NCKAP1: variants seen among roughly 807,000 people sequenced by gnomAD.
The protein encoded by NCKAP1 is nck-associated protein 1.
NCKAP1 carries 21 observed loss-of-function variants against 151.2 expected under a neutral mutation model. That is an observed-to-expected ratio of 0.14 (90% CI 0.10 to 0.20). The LOEUF (loss-of-function observed/expected upper bound fraction) is 0.20. Among genes scored for constraint, NCKAP1 ranks in the 10% least tolerant of loss-of-function variants. The pLI, the probability that NCKAP1 is intolerant of heterozygous loss-of-function variation, is 1.00. For synonymous variants in NCKAP1, 484 were observed against 451.8 expected (o/e 1.07, Z -0.90); for missense variants, 933 against 1,352.1 (o/e 0.69, Z 4.86).
chr2:182,925,914 C>T (rs1243509943), intron 30 of NCKAP1, 96 bp from the exon 31 acceptor site: 8 of 561,440 alleles, frequency 1.4e-5, no homozygotes, highest in Non-Finnish European at 2.1e-5. Flanking sequence ...TTATTGACAA[C>T]CAGTAAGGCA....
intron 14 of NCKAP1, among the ~76,000 whole-genome samples, chr2:182,978,319 T>C (rs1697867390): frequency 6.6e-6 from 1 of 152,206 alleles, no homozygotes; most frequent in African/African-American, 2.4e-5. Context: ...ATGACATCAA[T>C]TTTTGAGATT....
chr2:183,035,283 T>TAA (rs962780096), intron 1 of NCKAP1, among the ~76,000 whole-genome samples: 8 of 144,162 alleles, frequency 5.5e-5, no homozygotes, highest in African/African-American at 1.8e-4. Context: ...CTGATGAAAT[T>TAA]AAAAAAAAAA....
chr2:183,030,180 C>G (rs907065903), intron 1 of NCKAP1, among the ~76,000 whole-genome samples: 2 of 152,160 alleles, frequency 1.3e-5, no homozygotes, highest in South Asian at 4.1e-4. Context: ...CGGTAAAAAT[C>G]TGATCAGTTC....
chr2:182,932,922 T>C (rs1048631345), intron 26 of NCKAP1, among the ~76,000 whole-genome samples: 2 of 152,160 alleles, frequency 1.3e-5, no homozygotes, highest in Non-Finnish European at 2.9e-5. Flanking sequence ...TGATCTCAAA[T>C]GTTTATTCTG....
At chr2:182,937,068 T>A (rs1696890497) in intron 24 of NCKAP1, among the ~76,000 whole-genome samples, 1 of 115,840 alleles carries the variant, frequency 8.6e-6, no homozygotes, top group African/African-American at 3.4e-5. Context: ...TGAGCCAAGA[T>A]CTCGCCACTG....
At chr2:182,989,522 C>T (rs995536974) in intron 8 of NCKAP1, among the ~76,000 whole-genome samples, 3 of 152,096 alleles carry the variant, frequency 2.0e-5, no homozygotes, top group Non-Finnish European at 2.9e-5. Context: ...ATGCAGTAAT[C>T]ATTACAGTTG....
At chr2:183,036,342 T>C (rs1277461782) in intron 1 of NCKAP1, among the ~76,000 whole-genome samples, 3 of 152,202 alleles carry the variant, frequency 2.0e-5, no homozygotes, top group Non-Finnish European at 4.4e-5. Context: ...GAAACCATCA[T>C]AACCATTTCC....
chr2:182,964,163 C>T (rs1460676146), intron 17 of NCKAP1, among the ~76,000 whole-genome samples: 1 of 152,068 alleles, frequency 6.6e-6, no homozygotes, highest in Admixed American at 6.5e-5. Context: ...AACAAAACTA[C>T]CAAGCAGTTC....
At chr2:182,949,735 C>A (rs547045210) in intron 23 of NCKAP1, among the ~76,000 whole-genome samples, 1 of 152,188 alleles carries the variant, frequency 6.6e-6, no homozygotes, top group Non-Finnish European at 1.5e-5. Context: ...GCCAAGCTGG[C>A]AGTGAGTCAT....
At chr2:182,955,708 A>C (rs544222284) in intron 20 of NCKAP1, among the ~76,000 whole-genome samples, 10 of 152,190 alleles carry the variant, frequency 6.6e-5, no homozygotes, top group Non-Finnish European at 1.0e-4. Flanking sequence ...ACATGCATAC[A>C]TGTAACTGAA....
At chr2:182,951,122 C>A (rs1424107300) in intron 23 of NCKAP1, among the ~76,000 whole-genome samples, 1 of 151,914 alleles carries the variant, frequency 6.6e-6, no homozygotes, top group South Asian at 2.1e-4. Flanking sequence ...TGAGCCACCA[C>A]GCCTGGCTGA....
intron 26 of NCKAP1, among the ~76,000 whole-genome samples, chr2:182,931,657 A>C (rs536685299): frequency 1.3e-5 from 2 of 152,236 alleles, no homozygotes; most frequent in East Asian, 3.9e-4. Context: ...ACAAACCCCC[A>C]AAAACAGATA....
At chr2:182,996,914 G>A (rs758920850) in intron 6 of NCKAP1, among the ~76,000 whole-genome samples, 15 of 152,170 alleles carry the variant, frequency 9.9e-5, no homozygotes, top group African/African-American at 2.9e-4. Context: ...TGATTCTGAC[G>A]TAGCCAACTA....
rs557066776 is a variant in NCKAP1, at chr2:182,982,870, G to A, written c.1159C>T (p.Arg387Cys). 1.2e-6 allele frequency: 2 copies of A among 1,611,648 alleles called. No individual in the cohort carries two copies. Among genetic ancestry groups the A allele is most frequent in the African/African-American group, 2.7e-5 (2 of 74,942 alleles). ...TTCTTTGGCATGTTATCTGCATGAC[G>A]AAGTAGCCAGATGATTTCATCACGG... ...FARDEIIWLLRHADNMPKKSA... is the reference protein window; with the variant it reads ...FARDEIIWLLCHADNMPKKSA... Residue 387 changes from arginine to cysteine, a missense_variant, in exon 12 of 31, where the codon CGT (arginine) becomes TGT (cysteine). Physicochemically the swap from Arg to Cys is radical, Grantham distance 180. Around this residue, in one of 2 missense-constraint regions of NCKAP1, gnomAD observed 607 missense variants for 795.0 expected, o/e 0.76. Coordinates refer to ENST00000361354, the MANE Select transcript of NCKAP1 (RefSeq NM_013436.5).
chr2:182,951,709 A>C (rs921159008), intron 23 of NCKAP1, among the ~76,000 whole-genome samples: 1 of 151,964 alleles, frequency 6.6e-6, no homozygotes, highest in African/African-American at 2.4e-5. Flanking sequence ...AGCTTTTACG[A>C]AGAAAATGTT....
intron 2 of NCKAP1, among the ~76,000 whole-genome samples, chr2:183,012,839 G>C (rs559533532): frequency 4.2e-4 from 62 of 148,680 alleles, no homozygotes; most frequent in African/African-American, 1.5e-3. Context: ...TGGTCAGGCT[G>C]GTCTCGAACT....
intron 23 of NCKAP1, among the ~76,000 whole-genome samples, chr2:182,945,256 AG>A (rs1425006477): frequency 7.0e-6 from 1 of 141,878 alleles, no homozygotes; most frequent in African/African-American, 2.6e-5. Flanking sequence ...ACAAAAAAAA[AG>A]CTTAAAAAAA....
At chr2:183,010,712 A>G (rs570772824) in intron 2 of NCKAP1, among the ~76,000 whole-genome samples, 38 of 152,354 alleles carry the variant, frequency 2.5e-4, no homozygotes, top group Non-Finnish European at 2.9e-4. Context: ...TATCATCAGT[A>G]CTACAAAAAT....
At chr2:183,032,583 A>G (rs1015179980) in intron 1 of NCKAP1, among the ~76,000 whole-genome samples, 17 of 152,222 alleles carry the variant, frequency 1.1e-4, no homozygotes, top group Non-Finnish European at 2.5e-4. Context: ...ATAAAAAAAA[A>G]CAGTAAGAAT....
Sources: allele counts gnomAD v4.1 joint callset (sites outside exome capture counted in the v4.1 genomes callset), GRCh38; gene constraint gnomAD v4.1.1; regional missense constraint gnomAD v4.1.1; transcripts MANE v1.5; gene names NCBI Gene and HGNC (gene_info 2026-07-23, HGNC 2026-07-21).